The following NEBL variants were observed in gnomAD, a reference collection of about 807,000 sequenced individuals.
The protein encoded by NEBL is LIM and SH3 protein 2.
Under a neutral mutation model 140.2 loss-of-function variants are expected in NEBL, and 122 were observed. The ratio of observed to expected loss-of-function variants is 0.87; its 90% CI spans 0.75 to 1.01. The LOEUF (loss-of-function observed/expected upper bound fraction) is 1.01, where lower values mean the gene tolerates loss of function less well. NEBL is among the 50% of genes least tolerant of loss of function. The pLI is 0.00. For missense variants in NEBL, 1,365 were observed against 1,231.3 expected, an observed-to-expected ratio of 1.11 and a Z score of -1.62; for synonymous variants, 436 against 398.9, an observed-to-expected ratio of 1.09 and a Z score of -1.11.
intron 3 of NEBL, among the ~76,000 whole-genome samples, chr10:21,237,946 A>C (rs1443575489): frequency 6.6e-6 from 1 of 152,174 alleles, no homozygotes; most frequent in African/African-American, 2.4e-5. Flanking sequence ...ATTTATTGTT[A>C]GTTTTCTTGC....
chr10:21,007,575 G>A (rs551800102), intron 3 of NEBL, among the ~76,000 whole-genome samples: 6 of 151,926 alleles, frequency 3.9e-5, no homozygotes, highest in East Asian at 1.9e-4. Flanking sequence ...ATCATCTGAC[G>A]GCACAATATC....
At chr10:21,083,593 G>T (rs1413488660) in intron 2 of NEBL, among the ~76,000 whole-genome samples, 5 of 152,076 alleles carry the variant, frequency 3.3e-5, no homozygotes, top group Non-Finnish European at 7.4e-5. Context: ...AATAACGCCA[G>T]TGTGCAAAGA....
intron 4 of NEBL, among the ~76,000 whole-genome samples, chr10:20,954,775 G>A (rs1397782459): frequency 6.6e-6 from 1 of 152,184 alleles, no homozygotes; most frequent in African/African-American, 2.4e-5. Context: ...CTAGTGGGCA[G>A]GCTGGTTGGA....
intron 2 of NEBL, among the ~76,000 whole-genome samples, chr10:21,145,055 T>C (rs1306297312): frequency 6.6e-6 from 1 of 151,228 alleles, no homozygotes; most frequent in African/African-American, 2.4e-5. Context: ...TAAAAGATGC[T>C]CGTGGATAGA....
At chr10:21,244,932 G>A (rs903646085) in intron 3 of NEBL, among the ~76,000 whole-genome samples, 1 of 150,012 alleles carries the variant, frequency 6.7e-6, no homozygotes, top group African/African-American at 2.5e-5. Context: ...CAAGATGGGA[G>A]AATTGCTTGA....
intron 3 of NEBL, among the ~76,000 whole-genome samples, chr10:20,998,316 C>T (rs1248210302): frequency 2.0e-5 from 3 of 152,134 alleles, no homozygotes; most frequent in African/African-American, 7.2e-5. Context: ...AAAATGAGAA[C>T]AATCATGCTA....
chr10:21,025,804 T>C (rs1486335806), intron 2 of NEBL, among the ~76,000 whole-genome samples: 1 of 152,160 alleles, frequency 6.6e-6, no homozygotes, highest in Non-Finnish European at 1.5e-5. Context: ...AAGAAAAACA[T>C]AAGAGTAGCA....
At chr10:20,868,099 G>T (rs1475354) in intron 7 of NEBL, 8 of 146,840 alleles carry the variant, frequency 5.4e-5, no homozygotes, top group African/African-American at 2.0e-4. Context: ...GTTGCATGAC[G>T]TTTATATAAT....
At chr10:21,228,269 T>G (rs373064171) in intron 3 of NEBL, among the ~76,000 whole-genome samples, 7 of 152,130 alleles carry the variant, frequency 4.6e-5, no homozygotes, top group Admixed American at 6.6e-5. Context: ...TGCTCCCGCC[T>G]CAGCTTCCAG....
upstream of NEBL, among the ~76,000 whole-genome samples, chr10:21,177,412 T>C (rs7901098): frequency 0.019 from 2,893 of 152,322 alleles, 83 homozygotes; most frequent in African/African-American, 0.065. Flanking sequence ...ATTGTTTTGT[T>C]ACTGCAGCAA....
intron 2 of NEBL, among the ~76,000 whole-genome samples, chr10:21,054,654 C>T (rs1352352923): frequency 6.6e-6 from 1 of 152,130 alleles, no homozygotes; most frequent in Non-Finnish European, 1.5e-5. Context: ...GACCATAGCA[C>T]AAATGTATTT....
At position 20,831,591 on chromosome 10, in the gene NEBL, A is replaced by G; in HGVS notation, c.1450-8T>C. On this transcript the variant is annotated splice_polypyrimidine_tract_variant and splice_region_variant and intron_variant, in intron 14 of 27. Transcript: ENST00000377122. The stretch of plus-strand genomic sequence containing the variant: ...ATCTCTTTTATAGTCTTTCTGCAGA[A>G]AATGAAACATACAGTTAGTGCTCTC... The G allele has an allele frequency of 6.4e-7, 1 of 1,552,980 alleles. No individual in the cohort carries two copies. Among genetic ancestry groups the G allele is most frequent in the Non-Finnish European group, 8.9e-7 (1 of 1,125,318 alleles).
In NEBL at chr10:21,173,852, C is replaced by A. The variant is rs1302624151; in HGVS notation, c.-19G>T. 2 of 1,598,206 alleles carry A rather than the reference C, an allele frequency of 1.3e-6. No individual in the cohort carries two copies. The highest frequency in any genetic ancestry group is 2.7e-5 in the African/African-American group (2 of 74,354). Reference sequence around the variant, plus strand: ...GGTTCATGATCGCGGTTCCCGGGGGCGGCGGCGGCGGCGGCTGCTGGCTCC... The same window carrying A: ...GGTTCATGATCGCGGTTCCCGGGGGAGGCGGCGGCGGCGGCTGCTGGCTCC... On this transcript the variant is annotated 5_prime_UTR_variant, in exon 1 of 7. Coordinates refer to the NEBL transcript ENST00000417816. This position sits in a 1 kb window ranked among gnomAD's most constrained non-coding sequence, Gnocchi z 5.7.
chr10:20,924,489 G>A (rs985710746), intron 4 of NEBL, among the ~76,000 whole-genome samples: 29 of 144,400 alleles, frequency 2.0e-4, no homozygotes, highest in Admixed American at 1.4e-3. Context: ...TAAGCTCCTC[G>A]GAAGAGAAAG....
intron 19 of NEBL, among the ~76,000 whole-genome samples, chr10:20,822,975 A>C (rs1839493922): frequency 6.6e-6 from 1 of 151,974 alleles, no homozygotes; most frequent in Admixed American, 6.6e-5. Flanking sequence ...CTATGATTCC[A>C]CTCTGTATGT....
chr10:21,248,518 G>A (rs1194204698), intron 2 of NEBL, among the ~76,000 whole-genome samples: 1 of 152,200 alleles, frequency 6.6e-6, no homozygotes, highest in Non-Finnish European at 1.5e-5. Flanking sequence ...TATTAGGACT[G>A]AAGAACATTC....
intron 3 of NEBL, among the ~76,000 whole-genome samples, chr10:21,189,994 C>A (rs1457936673): frequency 6.6e-6 from 1 of 152,104 alleles, no homozygotes; most frequent in Non-Finnish European, 1.5e-5. Flanking sequence ...GACATCATCC[C>A]AGAATTGAGG....
chr10:21,131,012 A>G (rs1839078907), intron 2 of NEBL, among the ~76,000 whole-genome samples: 1 of 152,154 alleles, frequency 6.6e-6, no homozygotes, highest in Non-Finnish European at 1.5e-5. Flanking sequence ...TTAAGAAAAA[A>G]AGAGAGCAGA....
intron 3 of NEBL, among the ~76,000 whole-genome samples, chr10:21,192,661 A>G (rs1193743502): frequency 6.6e-6 from 1 of 151,152 alleles, no homozygotes; most frequent in Non-Finnish European, 1.5e-5. Flanking sequence ...CCTGGCCAAT[A>G]TGGTGAAACC....
Sources: gnomAD v4.1 joint callset for allele counts (sites outside exome capture counted in the v4.1 genomes callset) on GRCh38, gnomAD v4.1.1 for gene constraint, Gnocchi (gnomAD v3.1) non-coding constraint, MANE v1.5 for transcripts, NCBI Gene and HGNC (gene_info 2026-07-23, HGNC 2026-07-21) for gene names.